ADCK1: variants seen among roughly 807,000 people sequenced by gnomAD.
ADCK1 encodes the protein aarF domain-containing protein kinase 1.
ADCK1 carries 41 observed loss-of-function variants against 52.3 expected under a neutral mutation model. The observed-to-expected ratio is 0.78, with a 90% CI of 0.61 to 1.02. ADCK1 has a LOEUF of 1.02. Among genes scored for constraint, ADCK1 ranks in the 50% least tolerant of loss-of-function variants. The probability of loss-of-function intolerance (pLI) is 0.00; values close to 1 mark genes in which losing one functional copy is unlikely to be tolerated. For synonymous variants in ADCK1, 250 were observed against 274.6 expected (o/e 0.91, Z 0.89); for missense variants, 658 against 679.5 (o/e 0.97, Z 0.35).
chr14:77,804,394 C>T (rs973697234), intron 1 of ADCK1, among the ~76,000 whole-genome samples: 1 of 152,214 alleles, frequency 6.6e-6, no homozygotes, highest in Non-Finnish European at 1.5e-5. Flanking sequence ...TGCCATTCGG[C>T]TCCTGTATCA....
intron 3 of ADCK1, chr14:77,827,971 G>C (rs1421321650): frequency 3.1e-6 from 1 of 323,062 alleles, no homozygotes; most frequent in East Asian, 1.2e-4. Context: ...TGGGACTACA[G>C]GTGAGTGCCA....
At chr14:77,921,857 G>C (rs888633344) in intron 7 of ADCK1, among the ~76,000 whole-genome samples, 1 of 152,090 alleles carries the variant, frequency 6.6e-6, no homozygotes, top group Non-Finnish European at 1.5e-5. Flanking sequence ...TTTCAATGTA[G>C]TAATAGGGGG....
At chr14:77,806,765 A>G (rs2081233133) in intron 1 of ADCK1, among the ~76,000 whole-genome samples, 1 of 152,088 alleles carries the variant, frequency 6.6e-6, no homozygotes, top group Non-Finnish European at 1.5e-5. Flanking sequence ...CCCAGGCTGG[A>G]GTGCAGTGGC....
intron 3 of ADCK1, among the ~76,000 whole-genome samples, chr14:77,837,768 A>G (rs1033262246): frequency 2.6e-5 from 4 of 152,086 alleles, no homozygotes; most frequent in Non-Finnish European, 1.5e-5. Flanking sequence ...CCTCTCTCCC[A>G]TCCCCTCAGC....
In ADCK1 at chr14:77,928,002, T is replaced by C. The variant is rs148411727; in HGVS notation, c.1206+2041T>C. On this transcript the variant is annotated intron_variant, in intron 9 of 10. Transcript: ENST00000238561. Reference sequence around the variant, plus strand: ...GGGGTGAGATGAGTGGTGGCGATCATTTAGGAGCCTAGGCCGGGACTCCAG... The same window carrying C: ...GGGGTGAGATGAGTGGTGGCGATCACTTAGGAGCCTAGGCCGGGACTCCAG... Among the ~76,000 whole-genome samples the C allele has an allele frequency of 4.5e-3, 689 of 152,230 alleles. 9 individuals are homozygous for C. The highest frequency in any genetic ancestry group is 0.015 in the African/African-American group (643 of 41,544).
chr14:77,803,532 C>T (rs1199323613), intron 1 of ADCK1, among the ~76,000 whole-genome samples: 1 of 152,194 alleles, frequency 6.6e-6, no homozygotes, highest in African/African-American at 2.4e-5. Flanking sequence ...CCAGACTCTC[C>T]TGTTGCTTCA....
intron 4 of ADCK1, among the ~76,000 whole-genome samples, chr14:77,883,910 G>T (rs1330916359): frequency 1.3e-5 from 2 of 152,198 alleles, no homozygotes; most frequent in Non-Finnish European, 2.9e-5. Context: ...ATGGGGAATT[G>T]TGGGAGGCCT....
At chr14:77,924,885 C>G (rs761679917) in intron 8 of ADCK1, among the ~76,000 whole-genome samples, 14 of 152,224 alleles carry the variant, frequency 9.2e-5, no homozygotes, top group Non-Finnish European at 1.3e-4. Context: ...TCCCATGGAG[C>G]CCCAGGCCAG....
chr14:77,853,344 T>A (rs1040743017), intron 3 of ADCK1, among the ~76,000 whole-genome samples: 6 of 150,878 alleles, frequency 4.0e-5, no homozygotes, highest in African/African-American at 1.5e-4. Context: ...GGTTTTGAAC[T>A]CCTGAGCTCA....
At chr14:77,852,683 A>ATATATATTTTATATATATATAT (rs1566667364) in intron 3 of ADCK1, among the ~76,000 whole-genome samples, 1 of 84,026 alleles carries the variant, frequency 1.2e-5, no homozygotes, top group Non-Finnish European at 2.4e-5. Flanking sequence ...ATATATATAT[A>ATATATATTTTATATATATATAT]TATATATATA....
chr14:77,813,249 GC>G (rs200190752), intron 1 of ADCK1, among the ~76,000 whole-genome samples: 5,001 of 152,158 alleles, frequency 0.033, 123 homozygotes, highest in Non-Finnish European at 0.053. Flanking sequence ...TGATCCACCT[GC>G]CTCGGCCTCC....
intron 10 of ADCK1, 52 bp from the exon 11 acceptor site, chr14:77,933,168 G>C: frequency 6.3e-7 from 1 of 1,584,654 alleles, no homozygotes; most frequent in Non-Finnish European, 8.6e-7. Context: ...TACAGAGCTA[G>C]TGTTTCTTGC....
intron 3 of ADCK1, among the ~76,000 whole-genome samples, chr14:77,851,317 C>T (rs1231757912): frequency 6.6e-6 from 1 of 152,038 alleles, no homozygotes; most frequent in Non-Finnish European, 1.5e-5. Context: ...AGGGTTTCAC[C>T]ATATTGGTCA....
intron 6 of ADCK1, 21 bp from the exon 7 acceptor site, chr14:77,907,782 A>G: frequency 6.3e-7 from 1 of 1,592,818 alleles, no homozygotes; most frequent in Non-Finnish European, 8.6e-7. Flanking sequence ...AGACCATCTG[A>G]CCTGTCCCTT....
chr14:77,874,206 A>G (rs1221863771), intron 4 of ADCK1, among the ~76,000 whole-genome samples: 1 of 152,216 alleles, frequency 6.6e-6, no homozygotes, highest in Non-Finnish European at 1.5e-5. Context: ...CTCTTGATTC[A>G]TCACAACCAC....
At chr14:77,879,845 GC>G (rs2082982969) in intron 4 of ADCK1, among the ~76,000 whole-genome samples, 1 of 152,140 alleles carries the variant, frequency 6.6e-6, no homozygotes, top group South Asian at 2.1e-4. Context: ...GTAGCACTCT[GC>G]CCTCATAACT....
intron 10 of ADCK1, among the ~76,000 whole-genome samples, chr14:77,932,012 T>C (rs2084352783): frequency 6.6e-6 from 1 of 152,214 alleles, no homozygotes; most frequent in Non-Finnish European, 1.5e-5. Context: ...TCAGGTTCTC[T>C]TGATCTCAGA....
chr14:77,863,170 G>T (rs1203837159), intron 4 of ADCK1, among the ~76,000 whole-genome samples: 1 of 152,188 alleles, frequency 6.6e-6, no homozygotes, highest in African/African-American at 2.4e-5. Context: ...CAGAATGTGA[G>T]TCTGAGGGAG....
chr14:77,874,715 A>C (rs1025218393), intron 4 of ADCK1, among the ~76,000 whole-genome samples: 2 of 152,144 alleles, frequency 1.3e-5, no homozygotes, highest in Non-Finnish European at 2.9e-5. Flanking sequence ...TGCTGGCCCC[A>C]GGGGTTATGA....
Sources: allele counts gnomAD v4.1 joint callset (sites outside exome capture counted in the v4.1 genomes callset), GRCh38; gene constraint gnomAD v4.1.1; transcripts MANE v1.5; gene names NCBI Gene and HGNC (gene_info 2026-07-23, HGNC 2026-07-21).